The following TRIM9 variants were observed in gnomAD, a reference collection of about 807,000 sequenced individuals.
TRIM9 encodes the protein tripartite motif containing 9, also known as E3 ubiquitin-protein ligase TRIM9.
TRIM9 carries 26 observed loss-of-function variants against 78.3 expected under a neutral mutation model. That is an observed-to-expected ratio of 0.33 (90% CI 0.24 to 0.46). The LOEUF is 0.46. Among genes scored for constraint, TRIM9 ranks in the 20% least tolerant of loss-of-function variants. The pLI is 1.00. For missense variants in TRIM9, 787 were observed against 1,036.4 expected, an observed-to-expected ratio of 0.76 and a Z score of 3.30; for synonymous variants, 398 against 416.5, an observed-to-expected ratio of 0.96 and a Z score of 0.54.
chr14:51,012,832 C>T (rs117911556), intron 3 of TRIM9, among the ~76,000 whole-genome samples: 9 of 152,240 alleles, frequency 5.9e-5, no homozygotes, highest in Admixed American at 2.6e-4. Flanking sequence ...TCTTTTCATA[C>T]GTTTATCGGC....
Position 51,001,261 on chromosome 14 carries a change from G to T in TRIM9, c.1307-421C>A, listed in dbSNP as rs148184753. 3.0e-3 allele frequency among the ~76,000 whole-genome samples: 425 copies of T among 141,276 alleles called. 4 individuals are homozygous for T. The South Asian group carries it at 0.032, about 11-fold the overall frequency. The allele number at this position is 141,276 out of a possible 152,430, so 92.7% of individuals were successfully genotyped here. A position where few individuals can be genotyped will look rare whatever the true frequency, so the allele number is the denominator to read the frequency against. On this transcript the variant is annotated intron_variant, in intron 5 of 12. Transcript: ENST00000684578. ...TTTTTTTTTTTTGAGATGGAGTGTC[G>T]CTCTGTCGCCCAGGTTGGAGTGCAG...
chr14:50,982,086 C>T lies in TRIM9; in HGVS notation c.1876G>A (p.Asp626Asn), dbSNP rs769026924. The T allele has an allele frequency of 7.4e-6, 12 of 1,613,682 alleles. No homozygotes were observed. Among genetic ancestry groups the T allele is most frequent in the African/African-American group, 1.3e-5 (1 of 74,840 alleles). ...ATGTCCGAGTGCGCCGAGCCAGGGT[C>T]GAAAGCAAACCAGGCCACTGGGAAC... Reference protein sequence around the residue: ...KLLAVAWFAFDPGSAHSDIIL... With the variant: ...KLLAVAWFAFNPGSAHSDIIL... The change falls in exon 11 of 13, where the codon GAC (aspartate) becomes AAC (asparagine). Residue 626 changes from aspartate to asparagine, a missense_variant. Physicochemically the swap from Asp to Asn is conservative, Grantham distance 23 (BLOSUM62 1). Around this residue, in one of 3 missense-constraint regions of TRIM9, gnomAD observed 421 missense variants for 514.3 expected, o/e 0.82. Transcript: ENST00000684578.
At chr14:50,995,542 A>T (rs2054096316) in intron 7 of TRIM9, among the ~76,000 whole-genome samples, 1 of 152,234 alleles carries the variant, frequency 6.6e-6, no homozygotes. Context: ...GATCAGCAAA[A>T]GGTTTTGTGA....
At chr14:51,060,315 C>T (rs899452157) in intron 1 of TRIM9, among the ~76,000 whole-genome samples, 5 of 152,318 alleles carry the variant, frequency 3.3e-5, no homozygotes, top group Non-Finnish European at 4.4e-5. Context: ...ACCCTTTACT[C>T]CCTCAGTATT....
At chr14:51,057,936 C>T (rs1458417080) in intron 1 of TRIM9, among the ~76,000 whole-genome samples, 1 of 152,166 alleles carries the variant, frequency 6.6e-6, no homozygotes, top group African/African-American at 2.4e-5. Context: ...AAAGGATAGA[C>T]TTTTGGGCTC....
At chr14:51,045,026 C>T (rs1429774260) in intron 1 of TRIM9, among the ~76,000 whole-genome samples, 1 of 151,714 alleles carries the variant, frequency 6.6e-6, no homozygotes, top group Non-Finnish European at 1.5e-5. Context: ...GGTTGGTTCT[C>T]AACTTCTGTT....
intron 2 of TRIM9, among the ~76,000 whole-genome samples, chr14:51,024,855 G>T (rs2058074957): frequency 6.6e-6 from 1 of 151,056 alleles, no homozygotes; most frequent in African/African-American, 2.4e-5. Context: ...AGGAAATGAA[G>T]GAAGAAAAGA....
intron 1 of TRIM9, among the ~76,000 whole-genome samples, chr14:51,093,805 C>A (rs1001708608): frequency 6.6e-6 from 1 of 152,224 alleles, no homozygotes; most frequent in African/African-American, 2.4e-5. Flanking sequence ...TTCCCACACA[C>A]TGGCCGCGGC....
At chr14:50,978,759 TTTTTTTG>T in intron 12 of TRIM9, 1 of 329,346 alleles carries the variant, frequency 3.0e-6, no homozygotes, top group African/African-American at 5.5e-5. Context: ...TTTTTATCTG[TTTTTTTG>T]TTTTTTTTTT....
intron 1 of TRIM9, among the ~76,000 whole-genome samples, chr14:51,078,924 G>A (rs564603763): frequency 6.6e-6 from 1 of 152,266 alleles, no homozygotes; most frequent in South Asian, 2.1e-4. Context: ...AAGTAACTAA[G>A]TGAGATGATA....
intron 12 of TRIM9, 188 bp downstream of exon 12, chr14:50,979,199 G>A (rs984270144): frequency 1.4e-6 from 2 of 1,453,074 alleles, no homozygotes; most frequent in Admixed American, 5.6e-5. Context: ...TATAAAGAAG[G>A]TGCTTATGCT....
intron 1 of TRIM9, among the ~76,000 whole-genome samples, chr14:51,065,878 C>A (rs1363727474): frequency 1.3e-5 from 2 of 151,950 alleles, no homozygotes; most frequent in African/African-American, 4.8e-5. Context: ...AGTGAGTTTA[C>A]ACAACTGAAA....
Position 50,979,481 on chromosome 14 carries a change from G to C in TRIM9, c.2231C>G (p.Thr744Arg). The C allele has an allele frequency of 6.2e-7, 1 of 1,614,170 alleles. No homozygotes were observed. The highest frequency in any genetic ancestry group is 8.5e-7 in the Non-Finnish European group (1 of 1,180,026). ...VLLDLNRKNL[T>R]FFINDEQQGP... ...TTGTTGTTCATCGTTGATAAAAAAT[G>C]TCAAGTTTTTTCTATTTAAGTCGAG... The change falls in exon 12 of 13, where the codon ACA becomes AGA. Residue 744 changes from threonine to arginine, a missense_variant. By Grantham distance (71) the Thr-to-Arg change is moderately conservative. Coordinates refer to ENST00000684578, the MANE Select transcript of TRIM9 (RefSeq NM_001387360.1).
chr14:51,086,163 T>A (rs1047425170), intron 1 of TRIM9, among the ~76,000 whole-genome samples: 3 of 152,200 alleles, frequency 2.0e-5, no homozygotes, highest in Non-Finnish European at 2.9e-5. Context: ...AAACTGTGCT[T>A]TATAGGTATG....
At chr14:51,009,258 C>A (rs771289585) in intron 4 of TRIM9, 25 bp from the exon 5 acceptor site, 6 of 1,612,892 alleles carry the variant, frequency 3.7e-6, no homozygotes, top group Non-Finnish European at 5.1e-6. Context: ...AGGACCACAG[C>A]CTAAGAAATA....
At position 50,979,426 on chromosome 14, in the gene TRIM9, G is replaced by A. The variant is rs760791033; in HGVS notation, c.2286C>T (p.Gly762=). 35 of 1,614,052 alleles carry A rather than the reference G, an allele frequency of 2.2e-5. No individual in the cohort carries two copies. Among genetic ancestry groups the A allele is most frequent in the Non-Finnish European group, 2.8e-5 (33 of 1,180,032 alleles). The change falls in exon 12 of 13, where the codon GGC becomes GGT. Residue 762 remains glycine (G), a synonymous_variant. Transcript: ENST00000684578. ...QGPIAFDNVE[G]LFFPAVSLNR... is the part of the protein sequence containing the mutation. ...TCAGGCTGACCGCAGGGAAGAAGAG[G>A]CCCTCCACGTTATCAAATGCTATGG...
chr14:51,060,768 A>T (rs1596292481), intron 1 of TRIM9, among the ~76,000 whole-genome samples: 1 of 152,138 alleles, frequency 6.6e-6, no homozygotes, highest in East Asian at 1.9e-4. Context: ...CACCCAGCCT[A>T]TATTCATTCT....
intron 1 of TRIM9, among the ~76,000 whole-genome samples, chr14:51,055,638 A>C (rs2060837607): frequency 6.6e-6 from 1 of 152,364 alleles, no homozygotes; most frequent in South Asian, 2.1e-4. Flanking sequence ...GCCTTCTAGA[A>C]GGTGGAAAAG....
chr14:51,027,238 G>T (rs2058332537), intron 1 of TRIM9, among the ~76,000 whole-genome samples: 1 of 144,816 alleles, frequency 6.9e-6, no homozygotes, highest in Non-Finnish European at 1.5e-5. Flanking sequence ...CTGCCTCCCA[G>T]GTTCAAGCGA....
Sources: gnomAD v4.1 joint callset for allele counts (sites outside exome capture counted in the v4.1 genomes callset) on GRCh38, gnomAD v4.1.1 for gene constraint, gnomAD v4.1.1 regional missense constraint, MANE v1.5 for transcripts, NCBI Gene and HGNC (gene_info 2026-07-23, HGNC 2026-07-21) for gene names.